EMP1: variants seen among roughly 807,000 people sequenced by gnomAD.
EMP1 encodes the protein epithelial membrane protein 1.
EMP1 carries 5 observed loss-of-function variants against 15.7 expected under a neutral mutation model. The observed-to-expected ratio is 0.32, with a 90% confidence interval of 0.17 to 0.67. The LOEUF is 0.67. Among genes scored for constraint, EMP1 ranks in the 30% least tolerant of loss-of-function variants. EMP1 has a pLI of 0.74. For missense variants in EMP1, 166 were observed against 194.2 expected (o/e 0.85, Z 0.86); for synonymous variants, 78 against 76.7 (o/e 1.02, Z -0.09).
In EMP1 at chr12:13,217,753, G is replaced by A. The variant is rs2417253; in HGVS notation, c.*3062G>A. The A allele has an allele frequency of 7.2e-5, 11 of 152,248 alleles. No homozygotes were observed. In the South Asian group the frequency reaches 2.1e-3, roughly 29 times the overall value. The allele number at this position is 152,248 out of a possible 1,614,324, so 9.4% of individuals were successfully genotyped here. A position where few individuals can be genotyped will look rare whatever the true frequency, so the allele number is the denominator to read the frequency against. ...AAAAGCCTGGATGGTGAATGGGGGT[G>A]CATTAGTCAGAATTCTCCAGAGAAA... is the stretch of plus-strand genomic sequence containing the variant. On this transcript the variant is annotated 3_prime_UTR_variant, in exon 5 of 5. Coordinates refer to ENST00000256951, the MANE Select transcript of EMP1 (RefSeq NM_001423.3).
chr12:13,210,063 G>A (rs1358909449), intron 1 of EMP1, among the ~76,000 whole-genome samples: 1 of 152,194 alleles, frequency 6.6e-6, no homozygotes, highest in Non-Finnish European at 1.5e-5. Context: ...AAGGCACCCT[G>A]ATGTATATTA....
intron 1 of EMP1, among the ~76,000 whole-genome samples, chr12:13,205,488 G>T (rs919457499): frequency 1.9e-4 from 29 of 151,374 alleles, no homozygotes; most frequent in Admixed American, 6.6e-5. Flanking sequence ...TAAAGTCTAT[G>T]TATGTTAAAA....
chr12:13,202,782 G>A (rs1167576176), intron 1 of EMP1, among the ~76,000 whole-genome samples: 1 of 152,076 alleles, frequency 6.6e-6, no homozygotes, highest in Non-Finnish European at 1.5e-5. Flanking sequence ...AGGGGTATAT[G>A]CTGACTCTCT....
rs1031940852 is a variant in EMP1 at position 13,219,347 on chromosome 12, C to G, written c.*4656C>G. On this transcript the variant is annotated 3_prime_UTR_variant, in exon 5 of 5. Coordinates refer to ENST00000256951, the MANE Select transcript of EMP1 (RefSeq NM_001423.3). The stretch of plus-strand genomic sequence containing the variant: ...ATAAGTTCCTCATCTCCTTCTGAGA[C>G]CACCTCAGTGTGGACTTAATCGTCC... The G allele has an allele frequency of 6.6e-6, 1 of 152,256 alleles. No homozygotes were observed. The highest frequency in any genetic ancestry group is 1.5e-5 in the Non-Finnish European group (1 of 68,068). 9.4% of individuals were successfully genotyped at this position (152,256 alleles called of 1,614,324 possible).
Position 13,211,895 on chromosome 12 carries a change from G to A in EMP1, c.78+307G>A. 2.7e-6 allele frequency: 1 copy of A among 364,486 alleles called. No homozygotes were observed. The highest frequency in any genetic ancestry group is 5.0e-6 in the Non-Finnish European group (1 of 199,090). 22.6% of individuals were successfully genotyped at this position (364,486 alleles called of 1,614,324 possible). ...GTGAGTGGAGCTTGAGGTGAACCTG[G>A]AGGAGTGGTAGATGGCTGAGGTTTC... is the stretch of plus-strand genomic sequence containing the variant. On this transcript the variant is annotated intron_variant, in intron 2 of 4. Coordinates refer to ENST00000256951, the MANE Select transcript of EMP1 (RefSeq NM_001423.3). The surrounding 1 kb of genome is among the most constrained non-coding windows in gnomAD (Gnocchi z 4.7).
In EMP1 at chr12:13,216,062, C is replaced by T. The variant is rs1489926436; in HGVS notation, c.*1371C>T. 8.2e-6 allele frequency: 2 copies of T among 243,998 alleles called. No homozygotes were observed. Among genetic ancestry groups the T allele is most frequent in the Non-Finnish European group, 1.6e-5 (2 of 126,004 alleles). The allele number at this position is 243,998 out of a possible 1,614,324, so 15.1% of individuals were successfully genotyped here. A position where few individuals can be genotyped will look rare whatever the true frequency, so the allele number is the denominator to read the frequency against. The stretch of plus-strand genomic sequence containing the variant: ...GAGCTGTCTGCTGCCGCAGGAGCAC[C>T]TCTATACAGGACTTAGAAGTAGTAT... On this transcript the variant is annotated 3_prime_UTR_variant, in exon 5 of 5. Transcript: ENST00000256951.
At chr12:13,200,319 C>T (rs1338603236) in intron 1 of EMP1, among the ~76,000 whole-genome samples, 1 of 152,188 alleles carries the variant, frequency 6.6e-6, no homozygotes, top group Non-Finnish European at 1.5e-5. Context: ...CACACCTATA[C>T]ATTGTCACCA....
At position 13,217,395 on chromosome 12, in the gene EMP1, T is replaced by A. The variant is rs758104931; in HGVS notation, c.*2704T>A. 2 of 152,208 alleles carry A rather than the reference T, an allele frequency of 1.3e-5. No individual in the cohort carries two copies. Among genetic ancestry groups the A allele is most frequent in the Non-Finnish European group, 2.9e-5 (2 of 68,042 alleles). 9.4% of individuals were successfully genotyped at this position (152,208 alleles called of 1,614,324 possible). On this transcript the variant is annotated 3_prime_UTR_variant, in exon 5 of 5. Coordinates refer to ENST00000256951, the MANE Select transcript of EMP1 (RefSeq NM_001423.3). ...CCCCTTCTGGTCTTGGATGAAATAGTTGCACAGAGTATTGCACCAAAAATA... is the reference window on the plus strand; with the variant it reads ...CCCCTTCTGGTCTTGGATGAAATAGATGCACAGAGTATTGCACCAAAAATA...
At chr12:13,199,934 G>A (rs916838101) in intron 1 of EMP1, among the ~76,000 whole-genome samples, 5 of 147,576 alleles carry the variant, frequency 3.4e-5, no homozygotes, top group African/African-American at 1.3e-4. Context: ...GATCTACATT[G>A]CATTATCTTT....
At chr12:13,213,356 C>G in intron 2 of EMP1, 123 bp from the exon 3 acceptor site, 1 of 849,024 alleles carries the variant, frequency 1.2e-6, no homozygotes, top group Non-Finnish European at 1.9e-6. Flanking sequence ...GCTGCATAGC[C>G]ATAGTTATAG....
chr12:13,213,890 C>G (rs1367388149), intron 4 of EMP1, 69 bp downstream of exon 4: 1 of 1,596,270 alleles, frequency 6.3e-7, no homozygotes, highest in East Asian at 2.2e-5. Context: ...TTTCTGGCAA[C>G]TTGAACAGAT....
rs1864220637 is a variant in EMP1, at chr12:13,216,841, T to C, written c.*2150T>C. The stretch of plus-strand genomic sequence containing the variant: ...GGATAATTATGACATTTATCCCTCA[T>C]TAAGCTGCCTATCAGTTTGATTTGG... On this transcript the variant is annotated 3_prime_UTR_variant, in exon 5 of 5. Coordinates refer to ENST00000256951, the MANE Select transcript of EMP1 (RefSeq NM_001423.3). 3 of 173,978 alleles carry C rather than the reference T, an allele frequency of 1.7e-5. No homozygotes were observed. Among genetic ancestry groups the C allele is most frequent in the African/African-American group, 7.1e-5 (3 of 42,128 alleles). The allele number at this position is 173,978 out of a possible 1,614,324, so 10.8% of individuals were successfully genotyped here.
At chr12:13,207,715 T>C (rs1348415483) in intron 1 of EMP1, among the ~76,000 whole-genome samples, 1 of 152,120 alleles carries the variant, frequency 6.6e-6, no homozygotes, top group East Asian at 1.9e-4. Flanking sequence ...CCCTGTGCCA[T>C]GTATGTTAGG....
rs139944204 is a variant in EMP1, at chr12:13,213,768, C to T, written c.263C>T (p.Thr88Ile). The change falls in exon 4 of 5, where the codon ACC becomes ATC. Residue 88 changes from threonine to isoleucine, a missense_variant. Thr to Ile is a moderately conservative substitution (Grantham distance 89, BLOSUM62 -1). Coordinates refer to ENST00000256951, the MANE Select transcript of EMP1 (RefSeq NM_001423.3). ...CTGGTCTTCGTGTTCCAGCTCTTCA[C>T]CATGGAGAAGGGAAACCGGTTCTTC... ...ALLVFVFQLFTMEKGNRFFLS... is the reference protein window; with the variant it reads ...ALLVFVFQLFIMEKGNRFFLS... 5.6e-5 allele frequency: 91 copies of T among 1,614,184 alleles called. No individual in the cohort carries two copies. The highest frequency in any genetic ancestry group is 1.7e-4 in the Middle Eastern group (1 of 6,060).
chr12:13,211,688 G>A lies in EMP1; in HGVS notation c.78+100G>A. ...TTAAGCCACAGCCCTTGCCCTTCAT[G>A]AACTTACAGCTCAGTTGTGGGAAAA... On this transcript the variant is annotated intron_variant, in intron 2 of 4. Transcript: ENST00000256951. This position sits in a 1 kb window ranked among gnomAD's most constrained non-coding sequence, Gnocchi z 4.7. 2.3e-6 allele frequency: 3 copies of A among 1,310,570 alleles called. No individual in the cohort carries two copies. Among genetic ancestry groups the A allele is most frequent in the Non-Finnish European group, 3.3e-6 (3 of 919,980 alleles). The allele number at this position is 1,310,570 out of a possible 1,614,324, so 81.2% of individuals were successfully genotyped here.
Position 13,196,857 on chromosome 12 carries a change from C to T in EMP1, c.-58C>T, listed in dbSNP as rs906461234. On this transcript the variant is annotated 5_prime_UTR_variant, in exon 1 of 5. Coordinates refer to ENST00000256951, the MANE Select transcript of EMP1 (RefSeq NM_001423.3). ...CACCTGCCACTCAGAGCGCCTCTGTCGCTGGGACCCTTCAGGTAGGACAGC... is the reference window on the plus strand; with the variant it reads ...CACCTGCCACTCAGAGCGCCTCTGTTGCTGGGACCCTTCAGGTAGGACAGC... 6.6e-6 allele frequency: 1 copy of T among 152,320 alleles called. No homozygotes were observed. Among genetic ancestry groups the T allele is most frequent in the Admixed American group, 6.5e-5 (1 of 15,290 alleles). The allele number at this position is 152,320 out of a possible 1,614,324, so 9.4% of individuals were successfully genotyped here.
In EMP1 at chr12:13,205,673, A is replaced by G. The variant is rs1591707206; in HGVS notation, c.-42-5796A>G. Among the ~76,000 whole-genome samples the G allele has an allele frequency of 2.0e-5, 3 of 152,314 alleles. No homozygotes were observed. The East Asian group carries it at 5.8e-4, about 29-fold the overall frequency. On this transcript the variant is annotated intron_variant, in intron 1 of 4. Transcript: ENST00000256951. Reference sequence around the variant, plus strand: ...CACAGGCAAGACTCTCCCTTCAGGGACTTAAAATCTTAGGGCTGTCATCAG... The same window carrying G: ...CACAGGCAAGACTCTCCCTTCAGGGGCTTAAAATCTTAGGGCTGTCATCAG...
intron 4 of EMP1, 56 bp from the exon 5 acceptor site, chr12:13,214,477 CT>C: frequency 3.8e-6 from 6 of 1,582,772 alleles, no homozygotes; most frequent in Admixed American, 1.8e-5. Flanking sequence ...ATTAGTAAAA[CT>C]TTTTCTCGAC....
intron 3 of EMP1, 27 bp downstream of exon 3, chr12:13,213,602 C>T: frequency 6.2e-7 from 1 of 1,613,968 alleles, no homozygotes; most frequent in Non-Finnish European, 8.5e-7. Flanking sequence ...TGACCCAGTG[C>T]TGACAATAGG....
Sources: gnomAD v4.1 joint callset for allele counts (sites outside exome capture counted in the v4.1 genomes callset) on GRCh38, gnomAD v4.1.1 for gene constraint, Gnocchi (gnomAD v3.1) non-coding constraint, MANE v1.5 for transcripts, NCBI Gene and HGNC (gene_info 2026-07-23, HGNC 2026-07-21) for gene names.